UNC5C: variants seen among roughly 807,000 people sequenced by gnomAD.
UNC5C encodes netrin receptor UNC5C.
A neutral mutation model predicts 99.8 loss-of-function variants in UNC5C; 47 were observed. The ratio of observed to expected loss-of-function variants is 0.47; its 90% CI spans 0.37 to 0.60. The LOEUF (loss-of-function observed/expected upper bound fraction) is 0.60. Among genes scored for constraint, UNC5C ranks in the 20% least tolerant of loss-of-function variants. The probability of loss-of-function intolerance (pLI) is 0.00; values close to 1 mark genes in which losing one functional copy is unlikely to be tolerated. For missense variants in UNC5C, 1,062 were observed against 1,165.9 expected (o/e 0.91, Z 1.30); for synonymous variants, 487 against 452.2 (o/e 1.08, Z -0.98).
At chr4:95,502,279 T>C (rs1037932342) in intron 1 of UNC5C, among the ~76,000 whole-genome samples, 9 of 152,190 alleles carry the variant, frequency 5.9e-5, no homozygotes, top group Admixed American at 5.9e-4. Context: ...ATATAAACTT[T>C]TTTTTAAAGA....
chr4:95,466,755 A>T (rs910244532), intron 1 of UNC5C, among the ~76,000 whole-genome samples: 1 of 152,154 alleles, frequency 6.6e-6, no homozygotes, highest in Non-Finnish European at 1.5e-5. Context: ...ATCACATTAT[A>T]GTGTTATTGA....
intron 1 of UNC5C, among the ~76,000 whole-genome samples, chr4:95,359,352 AC>A (rs942214152): frequency 4.6e-5 from 7 of 152,144 alleles, no homozygotes; most frequent in African/African-American, 1.7e-4. Flanking sequence ...CAGGCATGTA[AC>A]TTCTTTTGTT....
intron 1 of UNC5C, among the ~76,000 whole-genome samples, chr4:95,369,387 C>CA (rs1363656475): frequency 3.3e-5 from 5 of 151,136 alleles, no homozygotes; most frequent in Admixed American, 1.3e-4. Flanking sequence ...CCCAACTCTA[C>CA]AAAAAAATAT....
At chr4:95,465,592 C>T (rs1301795177) in intron 1 of UNC5C, among the ~76,000 whole-genome samples, 1 of 151,984 alleles carries the variant, frequency 6.6e-6, no homozygotes, top group African/African-American at 2.4e-5. Context: ...TTTGGTGGTT[C>T]TTTAAGGTAG....
chr4:95,325,576 T>A (rs72891963), intron 2 of UNC5C, among the ~76,000 whole-genome samples: 21 of 152,166 alleles, frequency 1.4e-4, no homozygotes, highest in Non-Finnish European at 2.9e-5. Context: ...AGATTTTCAG[T>A]GTTCCCACTC....
intron 1 of UNC5C, among the ~76,000 whole-genome samples, chr4:95,448,227 T>TGTGAGAGAGAGAGAGA (rs1339694230): frequency 3.0e-5 from 3 of 100,086 alleles, no homozygotes; most frequent in African/African-American, 8.1e-5. Context: ...TGTGTGTGTG[T>TGTGAGAGAGAGAGAGA]GAGAGAGAGA....
At chr4:95,219,437 T>C (rs1008390329) in intron 8 of UNC5C, 124 bp from the exon 9 acceptor site, 10 of 877,714 alleles carry the variant, frequency 1.1e-5, no homozygotes, top group Admixed American at 2.6e-5. Context: ...CGGAGATAGA[T>C]AGACAGGCTC....
chr4:95,288,114 G>A (rs557498217), intron 3 of UNC5C, among the ~76,000 whole-genome samples: 3 of 95,132 alleles, frequency 3.2e-5, no homozygotes, highest in South Asian at 3.2e-4. Flanking sequence ...AGGGAGTCTC[G>A]CTCTGTCACC....
At chr4:95,338,878 C>T (rs979776284) in intron 1 of UNC5C, among the ~76,000 whole-genome samples, 4 of 151,854 alleles carry the variant, frequency 2.6e-5, no homozygotes, top group African/African-American at 7.3e-5. Flanking sequence ...TTGTGTGGCC[C>T]GGTGTAGAAT....
chr4:95,200,126 C>CTT (rs969858760), intron 12 of UNC5C, among the ~76,000 whole-genome samples: 1 of 152,206 alleles, frequency 6.6e-6, no homozygotes, highest in Non-Finnish European at 1.5e-5. Context: ...CCTCTACAGT[C>CTT]TTTTCCCCTG....
chr4:95,375,746 A>G (rs1207223607), intron 1 of UNC5C, among the ~76,000 whole-genome samples: 2 of 152,194 alleles, frequency 1.3e-5, no homozygotes, highest in Non-Finnish European at 2.9e-5. Flanking sequence ...ATTTAGCATT[A>G]TTGTGGAAGT....
chr4:95,460,746 T>A (rs1747576805), intron 1 of UNC5C, among the ~76,000 whole-genome samples: 1 of 152,184 alleles, frequency 6.6e-6, no homozygotes, highest in Non-Finnish European at 1.5e-5. Context: ...ACACACAGTG[T>A]CAACTGTTTA....
intron 10 of UNC5C, among the ~76,000 whole-genome samples, chr4:95,211,836 C>T (rs2621451): frequency 0.7 from 106,221 of 152,100 alleles, 38,217 homozygotes; most frequent in Middle Eastern, 0.87. Context: ...AAGCATTTCT[C>T]TCTAAGTAGG....
intron 5 of UNC5C, 44 bp downstream of exon 5, chr4:95,250,443 G>T: frequency 2.6e-6 from 4 of 1,566,890 alleles, no homozygotes; most frequent in Non-Finnish European, 3.5e-6. Flanking sequence ...ACGAGAAACT[G>T]CAGTTAAACA....
At chr4:95,343,769 G>T (rs756063814) in intron 1 of UNC5C, among the ~76,000 whole-genome samples, 15 of 152,138 alleles carry the variant, frequency 9.9e-5, no homozygotes, top group Non-Finnish European at 2.1e-4. Context: ...AGAAATTCTG[G>T]AGCTGAAAGA....
At chr4:95,433,542 T>C (rs962657430) in intron 1 of UNC5C, among the ~76,000 whole-genome samples, 5 of 152,252 alleles carry the variant, frequency 3.3e-5, no homozygotes, top group South Asian at 2.1e-4. Flanking sequence ...AGTTTCATCA[T>C]ACTTCTATAT....
At chr4:95,201,109 A>T (rs994864545) in intron 12 of UNC5C, among the ~76,000 whole-genome samples, 1 of 152,130 alleles carries the variant, frequency 6.6e-6, no homozygotes, top group Admixed American at 6.5e-5. Context: ...CAGCCTCCAC[A>T]CTGGAAGTCT....
At chr4:95,354,479 A>ATATATATATATATATATATATATAT in intron 1 of UNC5C, among the ~76,000 whole-genome samples, 1 of 110,348 alleles carries the variant, frequency 9.1e-6, no homozygotes, top group Non-Finnish European at 1.8e-5. Context: ...ATATATATAT[A>ATATATATATATATATATATATATAT]TTTTTTTTTT....
chr4:95,323,854 G>A (rs918401022), intron 2 of UNC5C, among the ~76,000 whole-genome samples: 13 of 152,086 alleles, frequency 8.5e-5, no homozygotes, highest in Non-Finnish European at 8.8e-5. Flanking sequence ...TGGCCAACAT[G>A]GTGAAACCCC....
Sources: allele counts gnomAD v4.1 joint callset (sites outside exome capture counted in the v4.1 genomes callset), GRCh38; gene constraint gnomAD v4.1.1; transcripts MANE v1.5; gene names NCBI Gene and HGNC (gene_info 2026-07-23, HGNC 2026-07-21).